TENM3: variants seen among roughly 807,000 people sequenced by gnomAD.
TENM3 encodes the protein teneurin transmembrane protein 3.
TENM3 carries 63 observed loss-of-function variants against 255.1 expected under a neutral mutation model. That is an observed-to-expected ratio of 0.25 (90% CI 0.20 to 0.30). The LOEUF (loss-of-function observed/expected upper bound fraction) is 0.30, where lower values mean the gene tolerates loss of function less well. TENM3 is among the 10% of genes least tolerant of loss of function. The pLI, the probability that TENM3 is intolerant of heterozygous loss-of-function variation, is 1.00. For synonymous variants in TENM3, 1,306 were observed against 1,322.3 expected, an observed-to-expected ratio of 0.99 and a Z score of 0.27; for missense variants, 2,929 against 3,461.1, an observed-to-expected ratio of 0.85 and a Z score of 3.86.
intron 5 of TENM3, among the ~76,000 whole-genome samples, chr4:182,632,623 A>G (rs1242256315): frequency 6.6e-6 from 1 of 152,042 alleles, no homozygotes. Context: ...TAAAAAGGCT[A>G]TTTTCAATTA....
the TENM3 span, among the ~76,000 whole-genome samples, chr4:182,039,340 A>G: frequency 6.6e-6 from 1 of 152,140 alleles, no homozygotes; most frequent in Admixed American, 6.5e-5. Flanking sequence ...CAGCGTCAGG[A>G]TGTCGCATCT....
the TENM3 span, among the ~76,000 whole-genome samples, chr4:181,608,822 C>T: frequency 6.6e-6 from 1 of 152,074 alleles, no homozygotes; most frequent in African/African-American, 2.4e-5. Flanking sequence ...TGGGATGGAG[C>T]CTGACATTGG....
At chr4:181,585,931 TA>T in the TENM3 span, among the ~76,000 whole-genome samples, 1 of 152,214 alleles carries the variant, frequency 6.6e-6, no homozygotes, top group African/African-American at 2.4e-5. Context: ...CCACAGAGGC[TA>T]GGGGACCTGC....
the TENM3 span, among the ~76,000 whole-genome samples, chr4:181,614,021 T>A: frequency 1.5e-4 from 5 of 34,220 alleles, no homozygotes; most frequent in African/African-American, 3.4e-4. Context: ...GCATAGTTAT[T>A]TTTTTACCAA....
the TENM3 span, among the ~76,000 whole-genome samples, chr4:181,731,192 T>A: frequency 6.6e-6 from 1 of 152,218 alleles, no homozygotes; most frequent in African/African-American, 2.4e-5. Flanking sequence ...GGACAGGTAA[T>A]ACTTTTAAAG....
chr4:182,154,412 C>T (rs533776122), intron 1 of TENM3, among the ~76,000 whole-genome samples: 1 of 152,298 alleles, frequency 6.6e-6, no homozygotes, highest in African/African-American at 2.4e-5. Context: ...TAGCACTAGA[C>T]TAGCTGGCTA....
the TENM3 span, among the ~76,000 whole-genome samples, chr4:181,856,181 G>T: frequency 6.6e-6 from 1 of 151,242 alleles, no homozygotes; most frequent in Non-Finnish European, 1.5e-5. Flanking sequence ...GGAAAGGGAA[G>T]GAAGGGAGGG....
intron 2 of TENM3, among the ~76,000 whole-genome samples, chr4:182,344,766 G>A (rs1405720667): frequency 1.3e-5 from 2 of 151,508 alleles, no homozygotes; most frequent in Non-Finnish European, 2.9e-5. Flanking sequence ...CAGCATGTTT[G>A]ATGGCAATAT....
the TENM3 span, among the ~76,000 whole-genome samples, chr4:182,060,296 C>T: frequency 6.6e-6 from 1 of 152,060 alleles, no homozygotes; most frequent in African/African-American, 2.4e-5. Flanking sequence ...TTTTTGGCAC[C>T]AGGGACCAAT....
chr4:182,148,167 T>C (rs1036470605), intron 1 of TENM3, among the ~76,000 whole-genome samples: 3 of 152,096 alleles, frequency 2.0e-5, no homozygotes, highest in Non-Finnish European at 4.4e-5. Context: ...AAAGAAGTGG[T>C]TTGGAGGGCT....
chr4:181,562,039 G>A, the TENM3 span, among the ~76,000 whole-genome samples: 2 of 152,120 alleles, frequency 1.3e-5, no homozygotes, highest in Non-Finnish European at 2.9e-5. Flanking sequence ...ATTTTGCTAG[G>A]ATGAGGAATG....
chr4:182,042,748 T>G, the TENM3 span, among the ~76,000 whole-genome samples: 1 of 152,182 alleles, frequency 6.6e-6, no homozygotes, highest in African/African-American at 2.4e-5. Context: ...TAAAATGATG[T>G]CAGAAGTTTA....
At chr4:182,335,656 T>C (rs1764088516) in intron 2 of TENM3, among the ~76,000 whole-genome samples, 1 of 151,990 alleles carries the variant, frequency 6.6e-6, no homozygotes, top group Non-Finnish European at 1.5e-5. Flanking sequence ...AGAATGTTTC[T>C]AACAGAAAAC....
intron 2 of TENM3, among the ~76,000 whole-genome samples, chr4:182,329,754 T>G (rs945320638): frequency 6.6e-6 from 1 of 151,982 alleles, no homozygotes. Flanking sequence ...AAAATCATAA[T>G]TTACAAACTA....
At chr4:182,751,001 G>C (rs1350470305) in intron 19 of TENM3, among the ~76,000 whole-genome samples, 1 of 152,036 alleles carries the variant, frequency 6.6e-6, no homozygotes, top group African/African-American at 2.4e-5. Flanking sequence ...ACAGTGTTGG[G>C]CTTACCATTT....
At chr4:181,783,368 G>A in the TENM3 span, among the ~76,000 whole-genome samples, 2 of 151,998 alleles carry the variant, frequency 1.3e-5, no homozygotes, top group Non-Finnish European at 2.9e-5. Context: ...TTTCTCCTCT[G>A]ACTGCTTTGT....
chr4:181,664,482 A>AAC, the TENM3 span, among the ~76,000 whole-genome samples: 1 of 127,316 alleles, frequency 7.9e-6, no homozygotes, highest in Non-Finnish European at 1.7e-5. Context: ...AAAATAAAAA[A>AAC]AAACAAAACA....
Position 182,734,484 on chromosome 4 carries a change from G to A in TENM3, c.2968-2324G>A, listed in dbSNP as rs533744302. ...GAAGATATTGATAGAAAAGAGAAAT[G>A]AGTGAACAGGCTGTTCTTGTGAAGT... On this transcript the variant is annotated intron_variant, in intron 16 of 27. Transcript: ENST00000511685. 9.2e-5 allele frequency among the ~76,000 whole-genome samples: 14 copies of A among 152,304 alleles called. No individual in the cohort carries two copies. In the South Asian group the frequency reaches 2.7e-3, roughly 29 times the overall value.
In TENM3 at chr4:182,743,213, G is replaced by T. The variant is rs932575684; in HGVS notation, c.3423G>T (p.Gln1141His). The change falls in exon 19 of 28, where the codon CAG becomes CAT. Residue 1141 changes from glutamine (Q) to histidine (H), a missense_variant. Physicochemically the swap from Gln to His is conservative, Grantham distance 24 (BLOSUM62 0). Transcript: ENST00000511685. ...KGNGENQFIS[Q>H]QPPVVSSIMG... ...ACGGGGAAAACCAGTTCATCTCCCA[G>T]CAGCCTCCAGTCGTGAGTAGCATCA... 6.2e-7 allele frequency: 1 copy of T among 1,613,810 alleles called. No homozygotes were observed. Among genetic ancestry groups the T allele is most frequent in the Non-Finnish European group, 8.5e-7 (1 of 1,179,704 alleles).
Sources: gnomAD v4.1 joint callset for allele counts (sites outside exome capture counted in the v4.1 genomes callset) on GRCh38, gnomAD v4.1.1 for gene constraint, MANE v1.5 for transcripts, NCBI Gene and HGNC (gene_info 2026-07-23, HGNC 2026-07-21) for gene names.